Variants in MEI4 observed in about 807,000 individuals in gnomAD.
MEI4 encodes the protein meiotic double-stranded break formation protein 4, also known as meiosis-specific protein MEI4.
In MEI4, 27 loss-of-function variants were observed where a neutral mutation model predicts 31.4. The ratio of observed to expected loss-of-function variants is 0.86; its 90% CI spans 0.63 to 1.19. The LOEUF is 1.19. Among genes scored for constraint, MEI4 ranks in the 50% most tolerant of loss-of-function variants. The pLI, the probability that MEI4 is intolerant of heterozygous loss-of-function variation, is 0.00. For missense variants in MEI4, 329 were observed against 398.9 expected (o/e 0.82, Z 1.49); for synonymous variants, 122 against 145.4 (o/e 0.84, Z 1.16).
intron 2 of MEI4, among the ~76,000 whole-genome samples, chr6:77,749,650 A>G (rs1487517446): frequency 1.3e-5 from 2 of 152,212 alleles, no homozygotes; most frequent in African/African-American, 4.8e-5. Context: ...TGATTGGTGT[A>G]CCTGAAAGAG....
chr6:77,913,150 A>G (rs1314035406), intron 4 of MEI4, among the ~76,000 whole-genome samples: 1 of 152,070 alleles, frequency 6.6e-6, no homozygotes, highest in Non-Finnish European at 1.5e-5. Flanking sequence ...ACTTGATCGC[A>G]GTGTATTTTC....
intron 2 of MEI4, among the ~76,000 whole-genome samples, chr6:77,706,962 C>A (rs1020784636): frequency 6.6e-6 from 1 of 151,890 alleles, no homozygotes; most frequent in Non-Finnish European, 1.5e-5. Flanking sequence ...TGATACAAAA[C>A]AGACTAACAC....
intron 1 of MEI4, among the ~76,000 whole-genome samples, chr6:77,664,936 T>G (rs2127643522): frequency 6.6e-6 from 1 of 151,814 alleles, no homozygotes; most frequent in South Asian, 2.1e-4. Flanking sequence ...TTAGGTCAGG[T>G]GTGAGTTGAA....
rs1386425718 is a variant in MEI4 at position 77,733,240 on chromosome 6, G to T, written c.233-27890G>T. ...CTAGTACCTCTGGTAGAATTTGGCT[G>T]TGAATCCATCTGATCCTGGACTCTT... On this transcript the variant is annotated intron_variant, in intron 2 of 4. Transcript: ENST00000684080. Among the ~76,000 whole-genome samples, 3 of 151,940 alleles carry T rather than the reference G, an allele frequency of 2.0e-5. No individual in the cohort carries two copies. In the South Asian group the frequency reaches 6.2e-4, roughly 31 times the overall value.
At chr6:77,754,708 C>G (rs1428449263) in intron 2 of MEI4, among the ~76,000 whole-genome samples, 7 of 152,186 alleles carry the variant, frequency 4.6e-5, no homozygotes, top group Admixed American at 4.6e-4. Context: ...TCTGTTGACT[C>G]ACATTTCCAC....
At chr6:77,689,535 T>A (rs892874384) in intron 1 of MEI4, among the ~76,000 whole-genome samples, 7 of 151,904 alleles carry the variant, frequency 4.6e-5, no homozygotes, top group African/African-American at 1.7e-4. Context: ...CCTGAGAAAA[T>A]TTTATATGTT....
At chr6:77,908,783 T>C (rs1359462697) in intron 4 of MEI4, among the ~76,000 whole-genome samples, 2 of 152,026 alleles carry the variant, frequency 1.3e-5, no homozygotes, top group Non-Finnish European at 2.9e-5. Flanking sequence ...AGGGATCAAT[T>C]CAACAAGAAG....
intron 1 of MEI4, among the ~76,000 whole-genome samples, 161 bp from the exon 2 acceptor site, chr6:77,690,497 C>A (rs895150258): frequency 1.3e-5 from 2 of 151,956 alleles, no homozygotes; most frequent in African/African-American, 4.8e-5. Context: ...ATAATTTTCT[C>A]ATACTGTTTT....
rs1582033278 is a variant in MEI4, at chr6:77,697,082, A to C, written c.232+6179A>C. 3.9e-5 allele frequency among the ~76,000 whole-genome samples: 6 copies of C among 152,242 alleles called. No homozygotes were observed. In the East Asian group the frequency reaches 1.2e-3, roughly 29 times the overall value. On this transcript the variant is annotated intron_variant, in intron 2 of 4. Coordinates refer to ENST00000684080, the MANE Select transcript of MEI4 (RefSeq NM_001322247.2). Reference sequence around the variant, plus strand: ...GGTGTTTGTAGTATTCTCTGATGGTAGTTTGTATTTCTGTGTGATCGGTGG... The same window carrying C: ...GGTGTTTGTAGTATTCTCTGATGGTCGTTTGTATTTCTGTGTGATCGGTGG...
rs1766847986 is a variant in MEI4, at chr6:77,926,510, G to A, written c.*3164G>A. The A allele has an allele frequency of 6.6e-6, 1 of 151,844 alleles. No individual in the cohort carries two copies. The highest frequency in any genetic ancestry group is 1.9e-4 in the East Asian group (1 of 5,174). 9.4% of individuals were successfully genotyped at this position (151,844 alleles called of 1,614,324 possible). On this transcript the variant is annotated 3_prime_UTR_variant, in exon 5 of 5. Transcript: ENST00000684080. ...AAAAATATATACGATTATCTCACAG[G>A]CCTTGTACTTTTTAATGGTATTTGT...
At chr6:77,909,702 A>G (rs1052561730) in intron 4 of MEI4, among the ~76,000 whole-genome samples, 5 of 152,194 alleles carry the variant, frequency 3.3e-5, no homozygotes, top group Non-Finnish European at 7.3e-5. Flanking sequence ...TCCCTAACTC[A>G]TTTCATGAGG....
At chr6:77,837,808 C>T (rs1037694069) in intron 4 of MEI4, among the ~76,000 whole-genome samples, 1 of 152,064 alleles carries the variant, frequency 6.6e-6, no homozygotes, top group Non-Finnish European at 1.5e-5. Flanking sequence ...TTTTAAGGAA[C>T]TGTTAATTTT....
intron 2 of MEI4, among the ~76,000 whole-genome samples, chr6:77,728,486 C>G (rs1766885391): frequency 6.6e-6 from 1 of 152,084 alleles, no homozygotes; most frequent in South Asian, 2.1e-4. Context: ...CTACCAGGAA[C>G]AAGACAAAAG....
chr6:77,835,295 GGTT>G (rs1770186895), intron 4 of MEI4, among the ~76,000 whole-genome samples: 1 of 149,656 alleles, frequency 6.7e-6, no homozygotes, highest in African/African-American at 2.5e-5. Context: ...AGGTGGAGGA[GGTT>G]GTTGTGAGCC....
At chr6:77,797,572 T>G (rs1769114213) in intron 3 of MEI4, among the ~76,000 whole-genome samples, 1 of 151,954 alleles carries the variant, frequency 6.6e-6, no homozygotes, top group Admixed American at 6.6e-5. Flanking sequence ...CAGTCTGTAG[T>G]CAAAGGCCCG....
chr6:77,818,694 C>T (rs1769745347), intron 3 of MEI4, among the ~76,000 whole-genome samples: 1 of 151,788 alleles, frequency 6.6e-6, no homozygotes, highest in Non-Finnish European at 1.5e-5. Context: ...CTAATTTTAC[C>T]TATTCGTACA....
At position 77,746,125 on chromosome 6, in the gene MEI4, C is replaced by T. The variant is rs576319319; in HGVS notation, c.233-15005C>T. On this transcript the variant is annotated intron_variant, in intron 2 of 4. Transcript: ENST00000684080. ...AGGCAAGGAATAACTAAAATCAGAGCAGAACTGAAGGAAATAGAGACACAA... is the reference window on the plus strand; with the variant it reads ...AGGCAAGGAATAACTAAAATCAGAGTAGAACTGAAGGAAATAGAGACACAA... Among the ~76,000 whole-genome samples, 4 of 152,120 alleles carry T rather than the reference C, an allele frequency of 2.6e-5. No individual in the cohort carries two copies. The East Asian group carries it at 7.7e-4, about 29-fold the overall frequency.
chr6:77,690,635 AC>A, intron 1 of MEI4, 22 bp from the exon 2 acceptor site: 5 of 1,122,024 alleles, frequency 4.5e-6, no homozygotes, highest in African/African-American at 1.6e-5. Context: ...AATTTCTATA[AC>A]TTTTTTCTTA....
chr6:77,710,098 C>G (rs746281238), intron 2 of MEI4, among the ~76,000 whole-genome samples: 1 of 152,188 alleles, frequency 6.6e-6, no homozygotes, highest in African/African-American at 2.4e-5. Context: ...GTGCCTTGCC[C>G]ATGCACAGTT....
Sources: allele counts gnomAD v4.1 joint callset (sites outside exome capture counted in the v4.1 genomes callset), GRCh38; gene constraint gnomAD v4.1.1; transcripts MANE v1.5; gene names NCBI Gene and HGNC (gene_info 2026-07-23, HGNC 2026-07-21).